The following SP100 variants were observed in gnomAD, a reference collection of about 807,000 sequenced individuals.
SP100 encodes nuclear autoantigen Sp-100.
A neutral mutation model predicts 130.0 loss-of-function variants in SP100; 84 were observed. That is an observed-to-expected ratio of 0.65 (90% confidence interval 0.54 to 0.77). SP100 has a LOEUF of 0.77. SP100 is among the 30% of genes least tolerant of loss of function. The pLI, the probability that SP100 is intolerant of heterozygous loss-of-function variation, is 0.00. For missense variants in SP100, 978 were observed against 1,052.2 expected, an observed-to-expected ratio of 0.93 and a Z score of 0.97; for synonymous variants, 331 against 351.7, an observed-to-expected ratio of 0.94 and a Z score of 0.66.
intron 2 of SP100, among the ~76,000 whole-genome samples, chr2:230,433,537 G>A (rs1364647767): frequency 6.6e-6 from 1 of 151,990 alleles, no homozygotes; most frequent in Non-Finnish European, 1.5e-5. Context: ...AAAGGCCATT[G>A]GAGATTTTGA....
chr2:230,477,117 G>A lies in SP100; in HGVS notation c.1600+2670G>A, dbSNP rs558792920. On this transcript the variant is annotated intron_variant, in intron 17 of 28. Coordinates refer to ENST00000340126, the MANE Select transcript of SP100 (RefSeq NM_001080391.2). ...CCTGACCTTGTGATCTGCCTGCCTC[G>A]GCCTCCCAAAGTGCTGGGATTACAG... Among the ~76,000 whole-genome samples the A allele has an allele frequency of 6.6e-5, 10 of 152,066 alleles. No homozygotes were observed. The East Asian group carries it at 1.7e-3, about 26-fold the overall frequency.
intron 2 of SP100, among the ~76,000 whole-genome samples, chr2:230,438,626 A>G (rs2063366434): frequency 1.4e-5 from 2 of 142,098 alleles, no homozygotes; most frequent in East Asian, 2.0e-4. Flanking sequence ...ATGGCTGAGT[A>G]GTACTCCATG....
intron 22 of SP100, chr2:230,506,786 C>T (rs1239995080): frequency 2.0e-5 from 1 of 50,260 alleles, no homozygotes; most frequent in Non-Finnish European, 3.8e-5. Context: ...GTTAAATACA[C>T]ACACACACAC....
At chr2:230,460,205 G>A (rs1209107976) in intron 8 of SP100, among the ~76,000 whole-genome samples, 2 of 152,036 alleles carry the variant, frequency 1.3e-5, no homozygotes, top group African/African-American at 2.4e-5. Context: ...GAATGCTCAA[G>A]GCAGCATTAT....
chr2:230,441,903 C>A (rs1284402171), intron 2 of SP100, among the ~76,000 whole-genome samples: 1 of 152,202 alleles, frequency 6.6e-6, no homozygotes, highest in Non-Finnish European at 1.5e-5. Context: ...TCTGCTATTG[C>A]AACTAGCACT....
chr2:230,417,134 C>A (rs981422081), intron 1 of SP100, among the ~76,000 whole-genome samples: 1 of 152,200 alleles, frequency 6.6e-6, no homozygotes, highest in Non-Finnish European at 1.5e-5. Flanking sequence ...TGTAGCTTCT[C>A]TTCCCAGTCC....
chr2:230,496,294 A>G (rs1434691795), intron 18 of SP100, among the ~76,000 whole-genome samples: 1 of 152,250 alleles, frequency 6.6e-6, no homozygotes, highest in Non-Finnish European at 1.5e-5. Flanking sequence ...CCCTAGAGCT[A>G]TGCTAGTCCC....
intron 24 of SP100, chr2:230,515,385 C>A (rs1298883422): frequency 6.2e-7 from 1 of 1,613,862 alleles, no homozygotes; most frequent in South Asian, 1.1e-5. Context: ...CTGGCCTGTC[C>A]ATTGATGATG....
Position 230,544,493 on chromosome 2 carries a change from CT to C in SP100, c.*1558del, listed in dbSNP as rs34345697. 0.57 allele frequency among the ~76,000 whole-genome samples: 86,516 copies of C among 150,824 alleles called. 25,279 individuals carry two copies. The highest frequency in any genetic ancestry group is 0.8 in the Middle Eastern group (235 of 294). On this transcript the variant is annotated 3_prime_UTR_variant, in exon 29 of 29. Transcript: ENST00000340126. The stretch of plus-strand genomic sequence containing the variant: ...AAGTGGGCAAAGGACATGAAAGACA[CT>C]TTTTTTTTTTAAGATGGAGTTTCAC...
intron 8 of SP100, 117 bp from the exon 9 acceptor site, chr2:230,461,145 G>T: frequency 1.1e-6 from 1 of 912,782 alleles, no homozygotes; most frequent in Non-Finnish European, 1.7e-6. Context: ...GGAAAAACAC[G>T]GAGGTGGGGT....
At chr2:230,448,719 G>A (rs1015737993) in intron 5 of SP100, among the ~76,000 whole-genome samples, 3 of 152,304 alleles carry the variant, frequency 2.0e-5, no homozygotes, top group Non-Finnish European at 4.4e-5. Context: ...TGTGTGAAAG[G>A]GGGTGGGCAT....
intron 24 of SP100, among the ~76,000 whole-genome samples, chr2:230,534,849 C>T (rs1424507713): frequency 6.6e-6 from 1 of 152,134 alleles, no homozygotes. Context: ...CTATGGCTTG[C>T]TTAAGAGTTT....
At chr2:230,528,523 G>A (rs965794095) in intron 24 of SP100, among the ~76,000 whole-genome samples, 5 of 144,924 alleles carry the variant, frequency 3.5e-5, no homozygotes, top group African/African-American at 1.3e-4. Context: ...AAGAACTAGA[G>A]AAGCAAGAGA....
intron 13 of SP100, among the ~76,000 whole-genome samples, chr2:230,468,043 A>G (rs906911902): frequency 6.6e-6 from 1 of 152,226 alleles, no homozygotes; most frequent in Non-Finnish European, 1.5e-5. Context: ...ATTTGAAAAT[A>G]TATTTACAAA....
chr2:230,507,701 A>T (rs1377479259), intron 22 of SP100, among the ~76,000 whole-genome samples: 1 of 152,216 alleles, frequency 6.6e-6, no homozygotes, highest in Admixed American at 6.5e-5. Context: ...GGCATTCTAC[A>T]TATATAGAAA....
chr2:230,492,117 C>A (rs1398703928), intron 17 of SP100, among the ~76,000 whole-genome samples: 1 of 152,124 alleles, frequency 6.6e-6, no homozygotes, highest in Non-Finnish European at 1.5e-5. Context: ...ATTCCATTGT[C>A]CAGTCTTTTT....
chr2:230,526,771 G>A (rs999084433), intron 24 of SP100, among the ~76,000 whole-genome samples: 1 of 152,140 alleles, frequency 6.6e-6, no homozygotes, highest in African/African-American at 2.4e-5. Context: ...AGAACTTCAT[G>A]ACGCACGCAC....
chr2:230,418,007 CT>C (rs3835918), intron 2 of SP100, among the ~76,000 whole-genome samples: 53,529 of 151,932 alleles, frequency 0.35, 9,639 homozygotes, highest in Non-Finnish European at 0.39. Context: ...TGCTGACACC[CT>C]CTGTGAGCAC....
chr2:230,508,851 C>T (rs1690338824), intron 23 of SP100: 1 of 152,014 alleles, frequency 6.6e-6, no homozygotes, highest in African/African-American at 2.4e-5. Flanking sequence ...TATATATAGG[C>T]ATATGTCACC....
Sources: gnomAD v4.1 joint callset for allele counts (sites outside exome capture counted in the v4.1 genomes callset) on GRCh38, gnomAD v4.1.1 for gene constraint, MANE v1.5 for transcripts, NCBI Gene and HGNC (gene_info 2026-07-23, HGNC 2026-07-21) for gene names.